Variants in NEMP2 observed in about 807,000 individuals in gnomAD.
NEMP2 encodes the protein nuclear envelope integral membrane protein 2.
Under a neutral mutation model 54.2 loss-of-function variants are expected in NEMP2, and 53 were observed. The observed-to-expected ratio is 0.98, with a 90% CI of 0.78 to 1.23. NEMP2 has a LOEUF of 1.23. NEMP2 is among the 50% of genes most tolerant of loss of function. The pLI is 0.00. For missense variants in NEMP2, 455 were observed against 511.3 expected, an observed-to-expected ratio of 0.89 and a Z score of 1.06; for synonymous variants, 197 against 190.3, an observed-to-expected ratio of 1.04 and a Z score of -0.29.
the NEMP2 span, among the ~76,000 whole-genome samples, chr2:190,464,381 G>A: frequency 3.3e-5 from 5 of 152,130 alleles, no homozygotes; most frequent in South Asian, 2.1e-4. Context: ...GCTCTTTTGC[G>A]TCTCAGATCT....
the NEMP2 span, among the ~76,000 whole-genome samples, chr2:190,582,840 C>G: frequency 5.3e-5 from 8 of 152,164 alleles, no homozygotes; most frequent in Non-Finnish European, 1.0e-4. The surrounding 1 kb of genome is among the most constrained non-coding windows in gnomAD (Gnocchi z 4.6). Context: ...TGGAGGTTTT[C>G]TAACAATAAC....
the NEMP2 span, among the ~76,000 whole-genome samples, chr2:190,552,579 G>A: frequency 6.6e-6 from 1 of 152,094 alleles, no homozygotes; most frequent in African/African-American, 2.4e-5. Context: ...AAATAGCCAG[G>A]AGTGGTGGCA....
rs1690477699 is a variant in NEMP2 at position 190,514,428 on chromosome 2, G to T, written c.953+25C>A. The T allele has an allele frequency of 1.3e-6, 2 of 1,535,016 alleles. No individual in the cohort carries two copies. The highest frequency in any genetic ancestry group is 1.8e-6 in the Non-Finnish European group (2 of 1,133,674). ...AACTAGAGCTCAAAATGTCAAATTT[G>T]CTGGGGGAAAAAAATGATACATACC... is the stretch of plus-strand genomic sequence containing the variant. On this transcript the variant is annotated intron_variant, in intron 7 of 8. Coordinates refer to ENST00000409150, the MANE Select transcript of NEMP2 (RefSeq NM_001142645.2). This position sits in a 1 kb window ranked among gnomAD's most constrained non-coding sequence, Gnocchi z 5.7.
At chr2:190,472,787 G>A in the NEMP2 span, among the ~76,000 whole-genome samples, 2 of 152,208 alleles carry the variant, frequency 1.3e-5, no homozygotes, top group Middle Eastern at 3.2e-3. Context: ...ATAATTGTCA[G>A]ATTCACCAAA....
At chr2:190,468,617 T>C in the NEMP2 span, among the ~76,000 whole-genome samples, 2 of 111,530 alleles carry the variant, frequency 1.8e-5, no homozygotes, top group East Asian at 7.1e-4. Flanking sequence ...CAAGCCTGGC[T>C]AATTTTTTTT....
At chr2:190,637,584 T>C in the NEMP2 span, among the ~76,000 whole-genome samples, 3 of 152,346 alleles carry the variant, frequency 2.0e-5, no homozygotes, top group East Asian at 5.8e-4. This position sits in a 1 kb window ranked among gnomAD's most constrained non-coding sequence, Gnocchi z 4.5. Flanking sequence ...ACTGCCTCTG[T>C]GCTTCTGTAC....
chr2:190,476,009 A>G, the NEMP2 span, among the ~76,000 whole-genome samples: 3 of 152,248 alleles, frequency 2.0e-5, no homozygotes, highest in Non-Finnish European at 4.4e-5. Flanking sequence ...GGCTAGCCAT[A>G]TATAGAAAGC....
chr2:190,435,776 A>C, the NEMP2 span: 1 of 413,606 alleles, frequency 2.4e-6, no homozygotes, highest in Non-Finnish European at 4.3e-6. Context: ...TTAGTCAGTC[A>C]GTGGCCATAA....
rs1559161999 is a variant in NEMP2, at chr2:190,520,040, A to G, written c.214-857T>C. Among the ~76,000 whole-genome samples the G allele has an allele frequency of 6.6e-6, 1 of 152,194 alleles. No homozygotes were observed. Among genetic ancestry groups the G allele is most frequent in the Non-Finnish European group, 1.5e-5 (1 of 68,036 alleles). ...AATAGACTAACAGTATAGTAGAAAC[A>G]TAACTTTTATAGGTACTAGGAAACC... is the stretch of plus-strand genomic sequence containing the variant. On this transcript the variant is annotated intron_variant, in intron 2 of 8. Transcript: ENST00000409150. This position sits in a 1 kb window ranked among gnomAD's most constrained non-coding sequence, Gnocchi z 5.4.
rs1691056883 is a variant in NEMP2, at chr2:190,529,276, TC to T, written c.98-3899del. On this transcript the variant is annotated intron_variant, in intron 1 of 8. Transcript: ENST00000409150. The surrounding 1 kb of genome is among the most constrained non-coding windows in gnomAD (Gnocchi z 4.7). ...GTTTCCTTTTACACCATTAATAAAA[TC>T]CCCCTCCCTTCCAGGGACCTGAGTG... Among the ~76,000 whole-genome samples, 1 of 152,028 alleles carries T rather than the reference TC, an allele frequency of 6.6e-6. No homozygotes were observed. The highest frequency in any genetic ancestry group is 1.9e-4 in the East Asian group (1 of 5,174).
the NEMP2 span, chr2:190,469,427 G>A: frequency 6.4e-6 from 1 of 156,626 alleles, no homozygotes; most frequent in Non-Finnish European, 1.4e-5. The surrounding 1 kb of genome is among the most constrained non-coding windows in gnomAD (Gnocchi z 5.3). Context: ...TGATGGCAGT[G>A]CGCCCAGACT....
the NEMP2 span, among the ~76,000 whole-genome samples, chr2:190,618,201 G>A: frequency 6.6e-6 from 1 of 152,154 alleles, no homozygotes; most frequent in Non-Finnish European, 1.5e-5. Flanking sequence ...CCTTTTGGCT[G>A]TTTGCCTCAT....
intron 5 of NEMP2, 44 bp downstream of exon 5, chr2:190,517,476 A>G (rs1237483138): frequency 7.5e-7 from 1 of 1,337,182 alleles, no homozygotes; most frequent in Non-Finnish European, 1.0e-6. Context: ...TGTCTGTAAG[A>G]TCATGATTTC....
downstream of NEMP2, among the ~76,000 whole-genome samples, chr2:190,503,256 C>CCG (rs1171440841): frequency 1.1e-4 from 16 of 152,158 alleles, no homozygotes; most frequent in African/African-American, 3.9e-4. This position sits in a 1 kb window ranked among gnomAD's most constrained non-coding sequence, Gnocchi z 6.3. Context: ...GGGACTCTGG[C>CCG]CAGGGCCATG....
chr2:190,648,742 CCGCCCACTCCCGG>C, the NEMP2 span, among the ~76,000 whole-genome samples: 10 of 151,144 alleles, frequency 6.6e-5, no homozygotes, highest in East Asian at 2.0e-3. Context: ...CTCGCGGGAG[CCGCCCACTCCCGG>C]CGCCCACTTG....
At chr2:190,517,680 T>G in intron 4 of NEMP2, 67 bp from the exon 5 acceptor site, 2 of 1,099,256 alleles carry the variant, frequency 1.8e-6, no homozygotes, top group South Asian at 1.4e-5. Flanking sequence ...AAAACATGTT[T>G]AACCTGGCAA....
At chr2:190,623,947 A>T in the NEMP2 span, among the ~76,000 whole-genome samples, 3 of 152,200 alleles carry the variant, frequency 2.0e-5, no homozygotes, top group African/African-American at 7.2e-5. Context: ...TAATAAGCAG[A>T]ATATAGAAAG....
chr2:190,428,957 G>T, the NEMP2 span, among the ~76,000 whole-genome samples: 1 of 152,088 alleles, frequency 6.6e-6, no homozygotes, highest in Non-Finnish European at 1.5e-5. Context: ...ACAGGTGTGA[G>T]CCACCATGCC....
At chr2:190,606,753 T>C in the NEMP2 span, among the ~76,000 whole-genome samples, 1 of 152,116 alleles carries the variant, frequency 6.6e-6, no homozygotes. Flanking sequence ...AAACTCCAAG[T>C]AAAGCATTAG....
Sources: gnomAD v4.1 joint callset for allele counts (sites outside exome capture counted in the v4.1 genomes callset) on GRCh38, gnomAD v4.1.1 for gene constraint, Gnocchi (gnomAD v3.1) non-coding constraint, MANE v1.5 for transcripts, NCBI Gene and HGNC (gene_info 2026-07-23, HGNC 2026-07-21) for gene names.